Variants in GABRG3 observed in about 807,000 individuals in gnomAD.
GABRG3 encodes the protein gamma-aminobutyric acid receptor subunit gamma-3.
GABRG3 carries 25 observed loss-of-function variants against 48.8 expected under a neutral mutation model. The ratio of observed to expected loss-of-function variants is 0.51; its 90% CI spans 0.37 to 0.72. The LOEUF is 0.72. Ranked by LOEUF, GABRG3 falls within the 30% of genes least tolerant of loss-of-function variation. The pLI, the probability that GABRG3 is intolerant of heterozygous loss-of-function variation, is 0.00. For missense variants in GABRG3, 394 were observed against 577.9 expected (o/e 0.68, Z 3.26); for synonymous variants, 227 against 217.6 (o/e 1.04, Z -0.38).
intron 3 of GABRG3, among the ~76,000 whole-genome samples, chr15:27,048,350 C>T (rs897808215): frequency 2.0e-5 from 3 of 152,170 alleles, no homozygotes; most frequent in African/African-American, 7.2e-5. Flanking sequence ...GCTCCAGGTG[C>T]CAGGCTCCCG....
chr15:27,285,570 TATA>T (rs778524258), intron 3 of GABRG3, among the ~76,000 whole-genome samples: 1 of 152,124 alleles, frequency 6.6e-6, no homozygotes, highest in Non-Finnish European at 1.5e-5. Context: ...GAAAAATAAA[TATA>T]GTAGTTATTA....
At position 27,388,358 on chromosome 15, in the gene GABRG3, A is replaced by G. The variant is rs1595721997; in HGVS notation, c.574+59470A>G. ...AGGAAAGGTGGGAGGGAGGGTAAGG[A>G]AGGAAGGAAGAAAGGAAGGAAGGAA... On this transcript the variant is annotated intron_variant, in intron 5 of 9. Coordinates refer to ENST00000615808, the MANE Select transcript of GABRG3 (RefSeq NM_033223.5). Among the ~76,000 whole-genome samples the G allele has an allele frequency of 2.8e-4, 7 of 24,986 alleles. 1 individual carries two copies. The highest frequency in any genetic ancestry group is 4.3e-3 in the East Asian group (1 of 230). The allele number at this position is 24,986 out of a possible 152,430, so 16.4% of individuals were successfully genotyped here.
chr15:27,309,166 A>G (rs554070268), intron 3 of GABRG3, among the ~76,000 whole-genome samples: 25 of 147,662 alleles, frequency 1.7e-4, no homozygotes, highest in Admixed American at 1.5e-3. Flanking sequence ...TATAATGTAA[A>G]CAGATGTTTA....
At chr15:27,051,104 ACC>A (rs1896448837) in intron 3 of GABRG3, among the ~76,000 whole-genome samples, 1 of 152,214 alleles carries the variant, frequency 6.6e-6, no homozygotes, top group African/African-American at 2.4e-5. Context: ...TTATTAGATG[ACC>A]ATAGTGCAGT....
chr15:27,001,888 GTTTT>G, intron 2 of GABRG3, among the ~76,000 whole-genome samples: 1 of 121,210 alleles, frequency 8.3e-6, no homozygotes, highest in African/African-American at 3.2e-5. Flanking sequence ...CCATAACTCA[GTTTT>G]TTTTTTTTTT....
intron 3 of GABRG3, among the ~76,000 whole-genome samples, chr15:27,183,758 C>T (rs1888006399): frequency 1.3e-5 from 2 of 152,308 alleles, no homozygotes; most frequent in Admixed American, 1.3e-4. Context: ...TCCTTTCAGG[C>T]AAGCTCTGTT....
At chr15:27,039,897 AT>A (rs1236446946) in intron 3 of GABRG3, among the ~76,000 whole-genome samples, 3 of 152,196 alleles carry the variant, frequency 2.0e-5, no homozygotes, top group Non-Finnish European at 4.4e-5. Flanking sequence ...CCCTAGACTT[AT>A]GCAACCACTC....
intron 3 of GABRG3, among the ~76,000 whole-genome samples, chr15:27,238,734 T>C (rs1416281029): frequency 2.6e-5 from 4 of 152,206 alleles, no homozygotes; most frequent in Non-Finnish European, 5.9e-5. Context: ...TTTTCGAACT[T>C]TTCAGTCACT....
chr15:27,406,285 G>C (rs931757109), intron 5 of GABRG3, among the ~76,000 whole-genome samples: 5 of 152,178 alleles, frequency 3.3e-5, no homozygotes, highest in Admixed American at 6.5e-5. Context: ...GATACTTCTT[G>C]CTAGGAGGCG....
intron 3 of GABRG3, among the ~76,000 whole-genome samples, chr15:27,186,231 G>A (rs975556423): frequency 4.6e-5 from 7 of 151,768 alleles, no homozygotes; most frequent in African/African-American, 9.7e-5. Flanking sequence ...ATGTCCATGC[G>A]TCCTCTTACT....
rs1447650330 is a variant in GABRG3, at chr15:27,536,601, G to C, written c.*3720G>C. ...GAAAATGCGTGTTCTCAAGAGCAAA[G>C]CATTTTCACTCTACATAAGGGAAAT... On this transcript the variant is annotated 3_prime_UTR_variant, in exon 10 of 10. Coordinates refer to ENST00000615808, the MANE Select transcript of GABRG3 (RefSeq NM_033223.5). 1 of 152,168 alleles carries C rather than the reference G, an allele frequency of 6.6e-6. No homozygotes were observed. The highest frequency in any genetic ancestry group is 1.5e-5 in the Non-Finnish European group (1 of 68,034). 9.4% of individuals were successfully genotyped at this position (152,168 alleles called of 1,614,324 possible). A position where few individuals can be genotyped will look rare whatever the true frequency, so the allele number is the denominator to read the frequency against.
chr15:27,404,230 C>A (rs539277824), intron 5 of GABRG3, among the ~76,000 whole-genome samples: 1 of 152,232 alleles, frequency 6.6e-6, no homozygotes, highest in Admixed American at 6.5e-5. Context: ...GAAGAAAAAA[C>A]CTATCAGGCC....
intron 2 of GABRG3, among the ~76,000 whole-genome samples, chr15:27,012,296 A>G (rs1323626248): frequency 1.3e-5 from 2 of 152,068 alleles, no homozygotes; most frequent in Non-Finnish European, 2.9e-5. Context: ...TATTTTTGTT[A>G]TTTATGCAAT....
intron 3 of GABRG3, among the ~76,000 whole-genome samples, chr15:27,229,496 G>T (rs1372288670): frequency 6.6e-6 from 1 of 151,592 alleles, no homozygotes; most frequent in Non-Finnish European, 1.5e-5. Context: ...TGTTTTTTGA[G>T]AAGGGGGTCT....
intron 6 of GABRG3, among the ~76,000 whole-genome samples, chr15:27,505,638 T>C (rs1236421071): frequency 1.3e-5 from 2 of 152,142 alleles, no homozygotes; most frequent in African/African-American, 2.4e-5. Flanking sequence ...ATTCCTGTCA[T>C]GTGGTGTGTG....
intron 3 of GABRG3, among the ~76,000 whole-genome samples, chr15:27,283,458 G>A (rs971096347): frequency 2.0e-5 from 3 of 152,164 alleles, no homozygotes; most frequent in African/African-American, 7.2e-5. Context: ...ACAAAAATTA[G>A]CCAGGCTTGA....
At chr15:27,289,222 A>T (rs557930541) in intron 3 of GABRG3, among the ~76,000 whole-genome samples, 1 of 150,148 alleles carries the variant, frequency 6.7e-6, no homozygotes, top group South Asian at 2.1e-4. Context: ...TTAGGTTTGT[A>T]TTTGTACATT....
At chr15:27,478,182 C>T (rs1189536990) in intron 5 of GABRG3, among the ~76,000 whole-genome samples, 3 of 152,012 alleles carry the variant, frequency 2.0e-5, no homozygotes, top group Non-Finnish European at 4.4e-5. Context: ...GTGTATATTA[C>T]CACAATAAAA....
chr15:27,035,664 GC>G (rs1282086699), intron 3 of GABRG3, among the ~76,000 whole-genome samples: 1 of 152,186 alleles, frequency 6.6e-6, no homozygotes, highest in Non-Finnish European at 1.5e-5. Flanking sequence ...GGCCCCACTT[GC>G]CTAGAGACAG....
Sources: gnomAD v4.1 joint callset for allele counts (sites outside exome capture counted in the v4.1 genomes callset) on GRCh38, gnomAD v4.1.1 for gene constraint, MANE v1.5 for transcripts, NCBI Gene and HGNC (gene_info 2026-07-23, HGNC 2026-07-21) for gene names.